The following ASIC2 variants were observed in gnomAD, a reference collection of about 807,000 sequenced individuals.
ASIC2 encodes acid sensing ion channel subunit 2.
ASIC2 carries 25 observed loss-of-function variants against 57.3 expected under a neutral mutation model. The ratio of observed to expected loss-of-function variants is 0.44; its 90% CI spans 0.32 to 0.61. The LOEUF is 0.61. Ranked by LOEUF, ASIC2 falls within the 20% of genes least tolerant of loss-of-function variation. ASIC2 has a pLI of 0.06. For synonymous variants in ASIC2, 319 were observed against 307.5 expected, an observed-to-expected ratio of 1.04 and a Z score of -0.39; for missense variants, 641 against 738.1, an observed-to-expected ratio of 0.87 and a Z score of 1.52.
At chr17:33,930,366 T>C (rs1286120621) in intron 1 of ASIC2, among the ~76,000 whole-genome samples, 3 of 152,224 alleles carry the variant, frequency 2.0e-5, no homozygotes, top group African/African-American at 7.2e-5. Context: ...ATTCTAGAAA[T>C]TCACCTGTAG....
intron 1 of ASIC2, chr17:33,931,524 A>C (rs1915931159): frequency 6.6e-6 from 1 of 152,224 alleles, no homozygotes; most frequent in Non-Finnish European, 1.5e-5. Context: ...GTCATAAGAC[A>C]ATATGAGGGG....
At chr17:33,916,067 C>G (rs775938401) in intron 1 of ASIC2, among the ~76,000 whole-genome samples, 2 of 152,168 alleles carry the variant, frequency 1.3e-5, no homozygotes, top group Admixed American at 6.5e-5. Flanking sequence ...TTCCTACCTC[C>G]TTGACTTTGC....
At chr17:33,094,661 G>A (rs767739261) in intron 2 of ASIC2, among the ~76,000 whole-genome samples, 1 of 152,136 alleles carries the variant, frequency 6.6e-6, no homozygotes, top group African/African-American at 2.4e-5. Context: ...AAGTGCATAG[G>A]GATGGAGACC....
At chr17:34,099,159 A>G (rs1910686384) in intron 1 of ASIC2, among the ~76,000 whole-genome samples, 1 of 9,710 alleles carries the variant, frequency 1.0e-4, no homozygotes, top group African/African-American at 2.1e-4. Flanking sequence ...AGAGAGAGAG[A>G]GAGAGAAAGA....
chr17:33,583,451 T>G (rs1904507214), intron 1 of ASIC2, among the ~76,000 whole-genome samples: 1 of 151,940 alleles, frequency 6.6e-6, no homozygotes, highest in African/African-American at 2.4e-5. Flanking sequence ...GAGAAGTTGC[T>G]TCGCAGTGGG....
intron 1 of ASIC2, chr17:33,688,891 A>C (rs574801434): frequency 6.6e-6 from 1 of 152,308 alleles, no homozygotes; most frequent in Admixed American, 6.5e-5. Flanking sequence ...CAGTAGTTGG[A>C]AGGACAATGA....
intron 1 of ASIC2, among the ~76,000 whole-genome samples, chr17:33,585,366 G>C (rs1904590059): frequency 6.6e-6 from 1 of 152,196 alleles, no homozygotes; most frequent in Non-Finnish European, 1.5e-5. Context: ...TCATGTCTTG[G>C]TTCCATTCCC....
intron 1 of ASIC2, chr17:33,793,677 T>C (rs1383657491): frequency 6.6e-6 from 1 of 152,242 alleles, no homozygotes; most frequent in Non-Finnish European, 1.5e-5. Flanking sequence ...CTTCAGATTG[T>C]AAGCTTCTAC....
intron 1 of ASIC2, among the ~76,000 whole-genome samples, chr17:33,507,667 GCAGA>G (rs1914307008): frequency 6.6e-6 from 1 of 152,096 alleles, no homozygotes; most frequent in Non-Finnish European, 1.5e-5. Context: ...ACTTTGGGAG[GCAGA>G]GGCAGGTGGA....
chr17:34,039,614 A>T (rs1392130205), intron 1 of ASIC2: 6 of 1,613,554 alleles, frequency 3.7e-6, no homozygotes, highest in Non-Finnish European at 5.1e-6. Flanking sequence ...AACTCAAAGT[A>T]ATCACTAATT....
chr17:33,896,467 G>A (rs1451831769), intron 1 of ASIC2, among the ~76,000 whole-genome samples: 1 of 152,144 alleles, frequency 6.6e-6, no homozygotes, highest in Non-Finnish European at 1.5e-5. Flanking sequence ...CAACAGCCAG[G>A]GTATGAATAT....
At chr17:34,031,810 G>GA (rs1907624565) in intron 1 of ASIC2, among the ~76,000 whole-genome samples, 2 of 152,052 alleles carry the variant, frequency 1.3e-5, no homozygotes, top group East Asian at 1.9e-4. Flanking sequence ...GAAGTTTAGA[G>GA]AAAAAAGAAT....
chr17:33,190,954 C>G (rs1236109667), intron 1 of ASIC2, among the ~76,000 whole-genome samples: 1 of 152,154 alleles, frequency 6.6e-6, no homozygotes, highest in East Asian at 1.9e-4. Flanking sequence ...ACCAAAGAAC[C>G]TACCCATTCC....
intron 1 of ASIC2, chr17:33,627,019 C>T (rs1438691326): frequency 1.3e-5 from 2 of 152,396 alleles, no homozygotes; most frequent in East Asian, 1.9e-4. Flanking sequence ...TCATCCACCC[C>T]GCATCAACAC....
chr17:33,722,068 C>T (rs187359583), intron 1 of ASIC2, among the ~76,000 whole-genome samples: 37 of 152,290 alleles, frequency 2.4e-4, no homozygotes, highest in African/African-American at 8.2e-4. Flanking sequence ...CTCTGTGTCC[C>T]GACCCAAATC....
intron 1 of ASIC2, among the ~76,000 whole-genome samples, chr17:33,769,041 T>C (rs1210380935): frequency 6.6e-6 from 1 of 152,214 alleles, no homozygotes; most frequent in African/African-American, 2.4e-5. Flanking sequence ...TCATCAAGCA[T>C]GACCTTATTA....
chr17:34,128,500 C>A (rs1911855783), intron 1 of ASIC2, among the ~76,000 whole-genome samples: 1 of 152,126 alleles, frequency 6.6e-6, no homozygotes, highest in Non-Finnish European at 1.5e-5. Context: ...GAGGAGGGGC[C>A]TGTTTATGTC....
chr17:33,633,159 G>T (rs1398100123), intron 1 of ASIC2, among the ~76,000 whole-genome samples: 1 of 152,202 alleles, frequency 6.6e-6, no homozygotes, highest in African/African-American at 2.4e-5. Flanking sequence ...AGTCATCTGA[G>T]AGAGTGTTAC....
chr17:33,220,249 A>G (rs749000045), intron 1 of ASIC2, among the ~76,000 whole-genome samples: 14 of 152,208 alleles, frequency 9.2e-5, no homozygotes, highest in Admixed American at 2.0e-4. Context: ...CTCACAAAGC[A>G]TTCTGTGCTA....
Sources: gnomAD v4.1 joint callset for allele counts (sites outside exome capture counted in the v4.1 genomes callset) on GRCh38, gnomAD v4.1.1 for gene constraint, MANE v1.5 for transcripts, NCBI Gene and HGNC (gene_info 2026-07-23, HGNC 2026-07-21) for gene names.